VPS13D: variants seen among roughly 807,000 people sequenced by gnomAD.
VPS13D encodes intermembrane lipid transfer protein VPS13D.
A neutral mutation model predicts 461.9 loss-of-function variants in VPS13D; 187 were observed. The observed-to-expected ratio is 0.40, with a 90% confidence interval of 0.36 to 0.46. VPS13D has a LOEUF of 0.46. VPS13D is among the 20% of genes least tolerant of loss of function. The pLI, the probability that VPS13D is intolerant of heterozygous loss-of-function variation, is 0.60. For missense variants in VPS13D, 4,711 were observed against 5,364.9 expected, an observed-to-expected ratio of 0.88 and a Z score of 3.81; for synonymous variants, 1,951 against 1,986.3, an observed-to-expected ratio of 0.98 and a Z score of 0.47.
At chr1:12,500,659 A>G (rs918341353) in intron 68 of VPS13D, among the ~76,000 whole-genome samples, 1 of 152,012 alleles carries the variant, frequency 6.6e-6, no homozygotes, top group Non-Finnish European at 1.5e-5. Flanking sequence ...GATTTTTTAA[A>G]TACAGAAAAG....
Position 12,318,313 on chromosome 1 carries a change from C to G in VPS13D, c.7390C>G (p.Leu2464Val), listed in dbSNP as rs750293949. The change falls in exon 31 of 70, where the codon CTG becomes GTG. Residue 2464 changes from leucine to valine, a missense_variant. Physicochemically the swap from Leu to Val is conservative, Grantham distance 32. Coordinates refer to ENST00000620676, the MANE Select transcript of VPS13D (RefSeq NM_015378.4). ...SSLPVSNERH[L>V]EVKVNVTGTE... ...CCTTCCTGTGTCCAATGAAAGGCAC[C>G]TGGAGGTCAAGGTCAATGTAACAGG... 1.9e-6 allele frequency: 3 copies of G among 1,611,824 alleles called. No individual in the cohort carries two copies. Among genetic ancestry groups the G allele is most frequent in the South Asian group, 2.2e-5 (2 of 91,050 alleles).
At chr1:12,506,813 GC>G (rs1405641619) in intron 68 of VPS13D, 39 bp from the exon 69 acceptor site, 17 of 1,598,378 alleles carry the variant, frequency 1.1e-5, no homozygotes, top group Non-Finnish European at 1.5e-5. Context: ...GCTGGGCGAA[GC>G]CCCAGGTGTC....
At chr1:12,485,750 G>T (rs1239788380) in intron 67 of VPS13D, among the ~76,000 whole-genome samples, 2 of 152,200 alleles carry the variant, frequency 1.3e-5, no homozygotes, top group South Asian at 2.1e-4. Context: ...AAACCAGTTT[G>T]CCAAGGGTTG....
chr1:12,252,095 G>A (rs1364069110), intron 6 of VPS13D, among the ~76,000 whole-genome samples: 4 of 151,958 alleles, frequency 2.6e-5, no homozygotes, highest in Non-Finnish European at 5.9e-5. Context: ...TTTTCTTCTT[G>A]TAAGGACAAT....
rs1641648715 is a variant in VPS13D at position 12,277,443 on chromosome 1, C to G, written c.3855C>G (p.Asn1285Lys). ...GATCTAAACAGGAGTGTTTTCTCAA[C>G]CTGAAGATGGCTTCTTTACATTATA... is the stretch of plus-strand genomic sequence containing the variant. The part of the protein sequence containing the change: ...VERSKQECFL[N>K]LKMASLHYNH... Residue 1285 changes from asparagine to lysine, a missense_variant, in exon 19 of 70, where the codon AAC becomes AAG. Physicochemically the swap from Asn to Lys is moderately conservative, Grantham distance 94 (BLOSUM62 0). Around this residue, in one of 3 missense-constraint regions of VPS13D, gnomAD observed 4,411 missense variants for 4,937.8 expected, o/e 0.89. Transcript: ENST00000620676. 1 of 1,614,104 alleles carries G rather than the reference C, an allele frequency of 6.2e-7. No individual in the cohort carries two copies. Among genetic ancestry groups the G allele is most frequent in the Non-Finnish European group, 8.5e-7 (1 of 1,180,024 alleles).
At chr1:12,263,093 T>C (rs1039871116) in intron 13 of VPS13D, among the ~76,000 whole-genome samples, 2 of 152,188 alleles carry the variant, frequency 1.3e-5, no homozygotes, top group Non-Finnish European at 2.9e-5. Flanking sequence ...AACATTGAAC[T>C]CATGGCCTAT....
chr1:12,269,040 A>T (rs894053021), intron 16 of VPS13D, among the ~76,000 whole-genome samples, 164 bp downstream of exon 16: 2 of 152,222 alleles, frequency 1.3e-5, no homozygotes, highest in Admixed American at 1.3e-4. Context: ...ACCAGGGTAG[A>T]TATTTGTGGA....
At chr1:12,321,721 C>T in intron 32 of VPS13D, 88 bp from the exon 33 acceptor site, 1 of 1,405,656 alleles carries the variant, frequency 7.1e-7, no homozygotes, top group Non-Finnish European at 9.6e-7. Context: ...ACATGGCTGA[C>T]TGCTTCTGAG....
chr1:12,507,129 G>T lies in VPS13D; in HGVS notation c.13035+36G>T. 1.9e-6 allele frequency: 3 copies of T among 1,612,434 alleles called. No individual in the cohort carries two copies. Among genetic ancestry groups the T allele is most frequent in the African/African-American group, 2.7e-5 (2 of 75,002 alleles). On this transcript the variant is annotated intron_variant, in intron 69 of 69. Transcript: ENST00000620676. The surrounding 1 kb of genome is among the most constrained non-coding windows in gnomAD (Gnocchi z 5.3). ...GGCTGTTCTCAGGCTCCTGAGGGGC[G>T]GGGCCAGGGCCTCGATGCCTCTGCC...
intron 5 of VPS13D, among the ~76,000 whole-genome samples, chr1:12,245,293 CAG>C (rs1363831104): frequency 6.6e-6 from 1 of 152,188 alleles, no homozygotes; most frequent in Non-Finnish European, 1.5e-5. Context: ...GCCAATGTGA[CAG>C]AGGCCAAATG....
intron 66 of VPS13D, among the ~76,000 whole-genome samples, chr1:12,459,264 G>T (rs1645371485): frequency 6.6e-6 from 1 of 152,158 alleles, no homozygotes; most frequent in African/African-American, 2.4e-5. Flanking sequence ...TGATATGTGG[G>T]CATCGTATTA....
chr1:12,327,856 T>C lies in VPS13D; in HGVS notation c.8197+2T>C. The C allele has an allele frequency of 2.5e-6, 4 of 1,613,898 alleles. No homozygotes were observed. The highest frequency in any genetic ancestry group is 3.4e-6 in the Non-Finnish European group (4 of 1,179,942). On this transcript the variant is annotated splice_donor_variant, in intron 36 of 69. Transcript: ENST00000620676. LOFTEE classifies it high-confidence loss of function. Reference sequence around the variant, plus strand: ...CTCTCGCTGAACTCACCTTTTCCCGTGAGTGTTGTACTGGTTTTCAGATTC... The same window carrying C: ...CTCTCGCTGAACTCACCTTTTCCCGCGAGTGTTGTACTGGTTTTCAGATTC...
At chr1:12,407,042 C>T (rs1208226502) in intron 63 of VPS13D, among the ~76,000 whole-genome samples, 1 of 152,112 alleles carries the variant, frequency 6.6e-6, no homozygotes, top group Non-Finnish European at 1.5e-5. Flanking sequence ...ACTTCAGACC[C>T]TTTACTTTTT....
chr1:12,422,827 A>G (rs1644879801), intron 65 of VPS13D, among the ~76,000 whole-genome samples: 1 of 151,468 alleles, frequency 6.6e-6, no homozygotes, highest in African/African-American at 2.4e-5. Flanking sequence ...TCTGAATCCA[A>G]GTCCAGCTAA....
chr1:12,361,094 C>T (rs905306390), intron 50 of VPS13D, among the ~76,000 whole-genome samples: 5 of 152,138 alleles, frequency 3.3e-5, no homozygotes, highest in African/African-American at 9.7e-5. Flanking sequence ...TCCATGCCTT[C>T]GTTTCCTCAT....
intron 67 of VPS13D, among the ~76,000 whole-genome samples, chr1:12,479,544 C>T (rs1645684965): frequency 6.6e-6 from 1 of 152,210 alleles, no homozygotes; most frequent in Non-Finnish European, 1.5e-5. Flanking sequence ...ATACTTTCCC[C>T]ATTGTACAGA....
At chr1:12,333,117 A>G (rs554441086) in intron 37 of VPS13D, 109 bp from the exon 38 acceptor site, 2 of 1,308,888 alleles carry the variant, frequency 1.5e-6, no homozygotes, top group South Asian at 1.4e-5. Flanking sequence ...AATTGGAAGT[A>G]GAAAGCTATT....
At chr1:12,472,574 C>G (rs1645578080) in intron 67 of VPS13D, among the ~76,000 whole-genome samples, 1 of 152,206 alleles carries the variant, frequency 6.6e-6, no homozygotes, top group Non-Finnish European at 1.5e-5. Context: ...CGCCACGTGT[C>G]CATCTGCTTT....
At chr1:12,300,714 A>C (rs72866631) in intron 25 of VPS13D, among the ~76,000 whole-genome samples, 6,348 of 152,248 alleles carry the variant, frequency 0.042, 267 homozygotes, top group African/African-American at 0.11. Flanking sequence ...AATAAACAGT[A>C]AAAATGGAAA....
Sources: gnomAD v4.1 joint callset for allele counts (sites outside exome capture counted in the v4.1 genomes callset) on GRCh38, gnomAD v4.1.1 for gene constraint, gnomAD v4.1.1 regional missense constraint, Gnocchi (gnomAD v3.1) non-coding constraint, MANE v1.5 for transcripts, NCBI Gene and HGNC (gene_info 2026-07-23, HGNC 2026-07-21) for gene names.